Variants in GRID2 observed in about 807,000 individuals in gnomAD.
The protein encoded by GRID2 is glutamate ionotropic receptor delta type subunit 2, also known as glutamate receptor ionotropic, delta-2.
A neutral mutation model predicts 114.8 loss-of-function variants in GRID2; 33 were observed. The observed-to-expected ratio is 0.29, with a 90% CI of 0.22 to 0.38. The LOEUF (loss-of-function observed/expected upper bound fraction) is 0.38, where lower values mean the gene tolerates loss of function less well. Ranked by LOEUF, GRID2 falls within the 10% of genes least tolerant of loss-of-function variation. The probability of loss-of-function intolerance (pLI) is 1.00; values close to 1 mark genes in which losing one functional copy is unlikely to be tolerated. For missense variants in GRID2, 1,184 were observed against 1,257.7 expected, an observed-to-expected ratio of 0.94 and a Z score of 0.89; for synonymous variants, 505 against 449.9, an observed-to-expected ratio of 1.12 and a Z score of -1.55.
intron 1 of GRID2, among the ~76,000 whole-genome samples, chr4:92,542,605 T>C (rs186144427): frequency 3.5e-3 from 526 of 151,968 alleles, no homozygotes; most frequent in Middle Eastern, 0.01. Flanking sequence ...ATAAGAATGA[T>C]ATAATGGACT....
chr4:93,231,473 A>G (rs556162152), intron 7 of GRID2, among the ~76,000 whole-genome samples: 1 of 152,014 alleles, frequency 6.6e-6, no homozygotes, highest in Non-Finnish European at 1.5e-5. Context: ...GGCCAGAAAC[A>G]ACAAAAAGAC....
intron 14 of GRID2, among the ~76,000 whole-genome samples, chr4:93,690,857 T>G (rs948820207): frequency 5.4e-5 from 8 of 149,494 alleles, no homozygotes; most frequent in African/African-American, 1.7e-4. Flanking sequence ...TTGTTTTATA[T>G]ATAATATGTT....
intron 2 of GRID2, among the ~76,000 whole-genome samples, chr4:92,853,996 T>A (rs1314656339): frequency 6.6e-6 from 1 of 150,742 alleles, no homozygotes; most frequent in Non-Finnish European, 1.5e-5. Flanking sequence ...AAAATCAATT[T>A]GAAATTAAAA....
Position 93,008,264 on chromosome 4 carries a change from T to C in GRID2, c.245-76731T>C, listed in dbSNP as rs1007863871. Reference sequence around the variant, plus strand: ...TTGGGAGGATTTCTATATTAAAATATTGAAAATTTTACCATAAATTTAGGA... The same window carrying C: ...TTGGGAGGATTTCTATATTAAAATACTGAAAATTTTACCATAAATTTAGGA... On this transcript the variant is annotated intron_variant, in intron 2 of 15. Coordinates refer to ENST00000282020, the MANE Select transcript of GRID2 (RefSeq NM_001510.4). 5.8e-4 allele frequency among the ~76,000 whole-genome samples: 88 copies of C among 152,178 alleles called. 1 individual carries two copies. The highest frequency in any genetic ancestry group is 2.0e-3 in the African/African-American group (83 of 41,560).
intron 2 of GRID2, among the ~76,000 whole-genome samples, chr4:93,029,832 A>T (rs1299991241): frequency 6.6e-6 from 1 of 152,192 alleles, no homozygotes; most frequent in Non-Finnish European, 1.5e-5. Context: ...CCAGTCTCTC[A>T]AAAGAAAATG....
intron 1 of GRID2, among the ~76,000 whole-genome samples, chr4:92,495,999 G>A (rs1190921427): frequency 5.9e-5 from 9 of 151,776 alleles, no homozygotes; most frequent in Non-Finnish European, 1.0e-4. Flanking sequence ...AAATATGTAT[G>A]AACTGAATTT....
intron 1 of GRID2, among the ~76,000 whole-genome samples, chr4:92,441,720 G>T (rs966224393): frequency 6.6e-6 from 1 of 152,066 alleles, no homozygotes; most frequent in South Asian, 2.1e-4. Flanking sequence ...TTGGCATTGA[G>T]TGGGGTAAGG....
At chr4:93,325,041 T>C (rs1333229339) in intron 8 of GRID2, among the ~76,000 whole-genome samples, 1 of 152,180 alleles carries the variant, frequency 6.6e-6, no homozygotes, top group African/African-American at 2.4e-5. Context: ...TCTCCTTCAG[T>C]TCTGCTCCGA....
intron 2 of GRID2, among the ~76,000 whole-genome samples, chr4:92,696,986 C>T (rs546630516): frequency 6.6e-6 from 1 of 152,278 alleles, no homozygotes; most frequent in East Asian, 1.9e-4. Flanking sequence ...TTCTCTAAAG[C>T]CTTGTACCTT....
At chr4:93,337,954 CAGA>C (rs1759256595) in intron 8 of GRID2, among the ~76,000 whole-genome samples, 1 of 152,138 alleles carries the variant, frequency 6.6e-6, no homozygotes, top group African/African-American at 2.4e-5. Context: ...TCCCTCTCCT[CAGA>C]AGTAAACACT....
At chr4:92,838,182 A>G (rs1447770223) in intron 2 of GRID2, among the ~76,000 whole-genome samples, 1 of 152,064 alleles carries the variant, frequency 6.6e-6, no homozygotes, top group African/African-American at 2.4e-5. Flanking sequence ...TATTAAGAAA[A>G]TCATTTATTT....
chr4:93,007,560 A>G lies in GRID2; in HGVS notation c.245-77435A>G, dbSNP rs571469464. Among the ~76,000 whole-genome samples, 14 of 152,270 alleles carry G rather than the reference A, an allele frequency of 9.2e-5. No individual in the cohort carries two copies. The South Asian group carries it at 2.9e-3, about 32-fold the overall frequency. ...GTTTTAAACTTAAAATTATTTTGTG[A>G]ATACTATACTCACAAGAGAATGAGT... On this transcript the variant is annotated intron_variant, in intron 2 of 15. Coordinates refer to ENST00000282020, the MANE Select transcript of GRID2 (RefSeq NM_001510.4).
At chr4:93,353,653 C>T (rs1761021762) in intron 8 of GRID2, among the ~76,000 whole-genome samples, 1 of 151,856 alleles carries the variant, frequency 6.6e-6, no homozygotes, top group South Asian at 2.1e-4. Flanking sequence ...ATAATATAGA[C>T]ACCTAAAAAA....
chr4:93,363,537 T>A (rs1380527947), intron 8 of GRID2, among the ~76,000 whole-genome samples: 1 of 152,178 alleles, frequency 6.6e-6, no homozygotes, highest in East Asian at 1.9e-4. Flanking sequence ...TGTGTTTTTT[T>A]TCTAATTAAT....
chr4:93,030,365 G>C (rs1578796026), intron 2 of GRID2, among the ~76,000 whole-genome samples: 1 of 151,180 alleles, frequency 6.6e-6, no homozygotes, highest in East Asian at 2.0e-4. Context: ...AGTTGAGGTT[G>C]ATGCTCGTAG....
intron 2 of GRID2, among the ~76,000 whole-genome samples, chr4:92,967,422 T>G (rs1036194172): frequency 1.3e-5 from 2 of 152,054 alleles, no homozygotes; most frequent in African/African-American, 4.8e-5. Flanking sequence ...GTATTTAGTC[T>G]ATAGGAAAAT....
intron 5 of GRID2, among the ~76,000 whole-genome samples, chr4:93,209,727 A>G (rs1186107700): frequency 6.6e-6 from 1 of 152,118 alleles, no homozygotes; most frequent in Non-Finnish European, 1.5e-5. Context: ...AACAATGTAT[A>G]AACATTCCTT....
chr4:92,438,019 G>C lies in GRID2; in HGVS notation c.88+133275G>C, dbSNP rs563651662. On this transcript the variant is annotated intron_variant, in intron 1 of 15. Transcript: ENST00000282020. ...TTCTGATTTTATTCATTGGACTTTAGCTGGGCTTAGTGTGCCACAATAAAT... is the reference window on the plus strand; with the variant it reads ...TTCTGATTTTATTCATTGGACTTTACCTGGGCTTAGTGTGCCACAATAAAT... 3.7e-3 allele frequency among the ~76,000 whole-genome samples: 569 copies of C among 152,154 alleles called. 1 individual carries two copies. Among genetic ancestry groups the C allele is most frequent in the Middle Eastern group, 0.01 (3 of 294 alleles).
At chr4:93,788,579 A>G (rs1734638238) in intron 1 of GRID2, among the ~76,000 whole-genome samples, 1 of 152,190 alleles carries the variant, frequency 6.6e-6, no homozygotes, top group South Asian at 2.1e-4. Context: ...TTACACCTTA[A>G]CAAAACTGGA....
Sources: gnomAD v4.1 joint callset for allele counts (sites outside exome capture counted in the v4.1 genomes callset) on GRCh38, gnomAD v4.1.1 for gene constraint, MANE v1.5 for transcripts, NCBI Gene and HGNC (gene_info 2026-07-23, HGNC 2026-07-21) for gene names.